The following FILIP1L variants were observed in gnomAD, a reference collection of about 807,000 sequenced individuals.
The protein encoded by FILIP1L is filamin A-interacting protein 1-like.
FILIP1L carries 55 observed loss-of-function variants against 96.6 expected under a neutral mutation model. The observed-to-expected ratio is 0.57, with a 90% CI of 0.46 to 0.71. The LOEUF (loss-of-function observed/expected upper bound fraction) is 0.71, where lower values mean the gene tolerates loss of function less well. FILIP1L is among the 30% of genes least tolerant of loss of function. The pLI is 0.00. For synonymous variants in FILIP1L, 467 were observed against 473.9 expected (o/e 0.99, Z 0.19); for missense variants, 1,304 against 1,321.2 (o/e 0.99, Z 0.20).
At chr3:100,000,512 G>C (rs905424056) in intron 1 of FILIP1L, among the ~76,000 whole-genome samples, 3 of 152,136 alleles carry the variant, frequency 2.0e-5, no homozygotes, top group Non-Finnish European at 4.4e-5. Context: ...GTAAAAACGG[G>C]TGAAAATTTG....
intron 5 of FILIP1L, among the ~76,000 whole-genome samples, chr3:99,832,123 A>T (rs898884779): frequency 1.3e-5 from 2 of 152,150 alleles, no homozygotes; most frequent in African/African-American, 4.8e-5. Context: ...ATTGATGTGC[A>T]AGCTTTTGTT....
chr3:100,084,453 T>C (rs1163504981), intron 1 of FILIP1L, among the ~76,000 whole-genome samples: 1 of 152,176 alleles, frequency 6.6e-6, no homozygotes, highest in Admixed American at 6.5e-5. Flanking sequence ...ATTTCAGATA[T>C]ATAGAAAAAC....
chr3:99,923,219 A>T lies in FILIP1L; in HGVS notation c.605+1011T>A, dbSNP rs138938354. On this transcript the variant is annotated intron_variant, in intron 4 of 5. Coordinates refer to ENST00000477258, the MANE Select transcript of FILIP1L (RefSeq NM_001387850.1). ...CACACCAACACCCACAGTTTCAGCTATCACCTGCTGCAGGTCCATATCACC... is the reference window on the plus strand; with the variant it reads ...CACACCAACACCCACAGTTTCAGCTTTCACCTGCTGCAGGTCCATATCACC... Among the ~76,000 whole-genome samples, 100 of 152,216 alleles carry T rather than the reference A, an allele frequency of 6.6e-4. 3 individuals are homozygous for T. The East Asian group carries it at 0.017, about 25-fold the overall frequency.
chr3:100,059,039 A>G (rs993296373), intron 1 of FILIP1L, among the ~76,000 whole-genome samples: 1 of 152,222 alleles, frequency 6.6e-6, no homozygotes, highest in African/African-American at 2.4e-5. Context: ...ATAGACTTGA[A>G]ATAAAGGCTA....
chr3:99,987,397 C>CATA (rs1018250203), intron 1 of FILIP1L, among the ~76,000 whole-genome samples: 1 of 151,490 alleles, frequency 6.6e-6, no homozygotes, highest in Admixed American at 6.6e-5. Context: ...GGTGTGGTGG[C>CATA]ATACACCTGT....
intron 4 of FILIP1L, among the ~76,000 whole-genome samples, chr3:99,894,846 G>A (rs971411813): frequency 7.2e-5 from 11 of 152,188 alleles, no homozygotes; most frequent in African/African-American, 2.7e-4. Context: ...ACAGTACGGA[G>A]TAGAGAACAA....
At chr3:100,110,040 A>G (rs1431454970) in intron 1 of FILIP1L, 2 of 151,702 alleles carry the variant, frequency 1.3e-5, no homozygotes, top group Non-Finnish European at 2.9e-5. Flanking sequence ...CTGAAATAGA[A>G]CCAGCCCGAA....
chr3:100,083,380 C>T (rs766457268), intron 1 of FILIP1L, among the ~76,000 whole-genome samples: 1 of 152,198 alleles, frequency 6.6e-6, no homozygotes, highest in Admixed American at 6.5e-5. Flanking sequence ...TGGGAACTTG[C>T]AAGACATGAA....
At chr3:99,949,587 A>G (rs1708116602) in intron 1 of FILIP1L, among the ~76,000 whole-genome samples, 1 of 152,234 alleles carries the variant, frequency 6.6e-6, no homozygotes, top group African/African-American at 2.4e-5. Context: ...TTCTCAGGGC[A>G]CTAACATGGC....
At chr3:99,922,250 A>G (rs1707148713) in intron 4 of FILIP1L, among the ~76,000 whole-genome samples, 2 of 152,248 alleles carry the variant, frequency 1.3e-5, no homozygotes, top group African/African-American at 4.8e-5. Context: ...AAATGAGGCC[A>G]CTAGTGCCAA....
At chr3:99,948,687 G>C (rs1482224267) in intron 1 of FILIP1L, among the ~76,000 whole-genome samples, 1 of 149,584 alleles carries the variant, frequency 6.7e-6, no homozygotes. Flanking sequence ...AGAAGAAGAG[G>C]AGAAAGGAGA....
chr3:99,876,606 G>C (rs1016294124), intron 4 of FILIP1L, among the ~76,000 whole-genome samples: 1 of 152,174 alleles, frequency 6.6e-6, no homozygotes, highest in Admixed American at 6.5e-5. Context: ...GAAAGGAGAA[G>C]TCTGGGGTTT....
intron 4 of FILIP1L, among the ~76,000 whole-genome samples, chr3:99,866,073 TTCCTTTATTCTC>T (rs545655351): frequency 0.017 from 2,539 of 152,260 alleles, 39 homozygotes; most frequent in Non-Finnish European, 0.026. Flanking sequence ...CTGCTTTTCT[TTCCTTTATTCTC>T]TCCTTTATTC....
At chr3:99,972,276 C>T (rs1408586180) in intron 1 of FILIP1L, among the ~76,000 whole-genome samples, 1 of 152,062 alleles carries the variant, frequency 6.6e-6, no homozygotes, top group African/African-American at 2.4e-5. Flanking sequence ...CAATAGAGTA[C>T]CCTAGTTTTG....
intron 5 of FILIP1L, 68 bp downstream of exon 5, chr3:99,848,227 A>G: frequency 6.3e-7 from 1 of 1,582,924 alleles, no homozygotes; most frequent in South Asian, 1.2e-5. Flanking sequence ...AAAAGGATTG[A>G]GTTCCTTGCA....
chr3:99,976,132 G>A (rs902049183), intron 1 of FILIP1L, among the ~76,000 whole-genome samples: 11 of 151,886 alleles, frequency 7.2e-5, no homozygotes, highest in Non-Finnish European at 1.2e-4. Flanking sequence ...TGGTTCGCCC[G>A]CCTCAGCCTC....
intron 1 of FILIP1L, among the ~76,000 whole-genome samples, chr3:100,063,695 G>A (rs745714555): frequency 3.3e-5 from 5 of 151,904 alleles, no homozygotes; most frequent in Non-Finnish European, 5.9e-5. Flanking sequence ...AGTGAGTTGT[G>A]TGTGTTGGGT....
At chr3:100,028,508 G>T (rs897799799) in intron 1 of FILIP1L, among the ~76,000 whole-genome samples, 1 of 152,032 alleles carries the variant, frequency 6.6e-6, no homozygotes, top group East Asian at 1.9e-4. Flanking sequence ...TTTAATTCAC[G>T]TTGGAGAATA....
intron 4 of FILIP1L, among the ~76,000 whole-genome samples, chr3:99,873,880 A>G (rs553686484): frequency 1.4e-4 from 22 of 152,356 alleles, no homozygotes; most frequent in African/African-American, 5.0e-4. Flanking sequence ...ACAAAAGTGC[A>G]AATGAACTTA....
Sources: gnomAD v4.1 joint callset for allele counts (sites outside exome capture counted in the v4.1 genomes callset) on GRCh38, gnomAD v4.1.1 for gene constraint, MANE v1.5 for transcripts, NCBI Gene and HGNC (gene_info 2026-07-23, HGNC 2026-07-21) for gene names.